Variants in TTC21B observed in about 807,000 individuals in gnomAD.
The protein encoded by TTC21B is tetratricopeptide repeat protein 21B.
TTC21B carries 127 observed loss-of-function variants against 175.1 expected under a neutral mutation model. The observed-to-expected ratio is 0.73, with a 90% CI of 0.63 to 0.84. The LOEUF (loss-of-function observed/expected upper bound fraction) is 0.84, where lower values mean the gene tolerates loss of function less well. TTC21B is among the 40% of genes least tolerant of loss of function. The pLI, the probability that TTC21B is intolerant of heterozygous loss-of-function variation, is 0.00. For synonymous variants in TTC21B, 524 were observed against 524.5 expected, an observed-to-expected ratio of 1.00 and a Z score of 0.01; for missense variants, 1,561 against 1,558.3, an observed-to-expected ratio of 1.00 and a Z score of -0.03.
intron 17 of TTC21B, 71 bp from the exon 18 acceptor site, chr2:165,911,536 A>C (rs1291248369): frequency 6.4e-7 from 1 of 1,564,730 alleles, no homozygotes; most frequent in Non-Finnish European, 8.8e-7. Flanking sequence ...TATTTAATAC[A>C]TTACAGACTT....
intron 12 of TTC21B, among the ~76,000 whole-genome samples, chr2:165,922,382 G>GA (rs965025680): frequency 5.4e-5 from 8 of 147,858 alleles, no homozygotes; most frequent in Non-Finnish European, 9.0e-5. Flanking sequence ...AAATCATCAA[G>GA]AAAAAAAAAT....
chr2:165,926,053 A>G (rs1686616749), intron 11 of TTC21B, among the ~76,000 whole-genome samples: 1 of 152,236 alleles, frequency 6.6e-6, no homozygotes, highest in African/African-American at 2.4e-5. Flanking sequence ...TCTAAACAAA[A>G]TTATGTCTAT....
intron 8 of TTC21B, 121 bp from the exon 9 acceptor site, chr2:165,930,485 A>C: frequency 1.6e-6 from 1 of 641,366 alleles, no homozygotes; most frequent in Non-Finnish European, 2.4e-6. Context: ...AAAAGAAAAA[A>C]ATTAATAATT....
At chr2:165,929,438 T>C in intron 10 of TTC21B, 103 bp from the exon 11 acceptor site, 2 of 1,059,808 alleles carry the variant, frequency 1.9e-6, no homozygotes, top group East Asian at 5.2e-5. Context: ...TATGCAATTA[T>C]TTGTTCAAAC....
chr2:165,918,494 A>G (rs1686266424), intron 13 of TTC21B, among the ~76,000 whole-genome samples: 1 of 151,944 alleles, frequency 6.6e-6, no homozygotes, highest in South Asian at 2.1e-4. Flanking sequence ...ACGGGTTTTC[A>G]CTGTGTTAGC....
At chr2:165,929,581 AGACT>A in intron 10 of TTC21B, 65 bp downstream of exon 10, 1 of 1,161,458 alleles carries the variant, frequency 8.6e-7, no homozygotes, top group Non-Finnish European at 1.3e-6. Flanking sequence ...CAAAACAATA[AGACT>A]GATTAATAAT....
chr2:165,917,336 CTG>C lies in TTC21B; in HGVS notation c.1818_1819del (p.Asp606GlufsTer4). 6.2e-7 allele frequency: 1 copy of C among 1,614,154 alleles called. No homozygotes were observed. Among genetic ancestry groups the C allele is most frequent in the Non-Finnish European group, 8.5e-7 (1 of 1,179,996 alleles). On this transcript the variant is annotated frameshift_variant, in exon 14 of 29. Coordinates refer to ENST00000243344, the MANE Select transcript of TTC21B (RefSeq NM_024753.5). LOFTEE classifies it high-confidence loss of function. ...ATGGCTTGTATCAACTTCAGTTTTT[CTG>C]TCTTTTGATTTTGTGGAAGCTCCAA...
chr2:165,891,635 A>G (rs528666448), intron 22 of TTC21B, among the ~76,000 whole-genome samples: 1 of 152,020 alleles, frequency 6.6e-6, no homozygotes, highest in East Asian at 1.9e-4. Context: ...TCTCAGGTAT[A>G]ATTTCCTGGC....
intron 20 of TTC21B, among the ~76,000 whole-genome samples, 161 bp from the exon 21 acceptor site, chr2:165,900,041 C>T (rs570441987): frequency 2.0e-5 from 3 of 147,478 alleles, no homozygotes; most frequent in African/African-American, 7.4e-5. Context: ...TATGTATACC[C>T]ATCTCTATTT....
At chr2:165,901,201 C>T (rs1190677662) in intron 20 of TTC21B, among the ~76,000 whole-genome samples, 1 of 152,134 alleles carries the variant, frequency 6.6e-6, no homozygotes, top group African/African-American at 2.4e-5. Context: ...TGCATCCAGC[C>T]TTAAACTCTA....
rs867478112 is a variant in TTC21B at position 165,915,540 on chromosome 2, C to T, written c.1900-101G>A. 35 of 983,544 alleles carry T rather than the reference C, an allele frequency of 3.6e-5. No individual in the cohort carries two copies. In the Middle Eastern group the frequency reaches 7.1e-4, roughly 20 times the overall value. The allele number at this position is 983,544 out of a possible 1,614,324, so 60.9% of individuals were successfully genotyped here. On this transcript the variant is annotated intron_variant, in intron 14 of 28. Transcript: ENST00000243344. ...AACGCAGAATGAATAAATGCTAGTA[C>T]ATTTATAATATTTACGAAATAAATT...
intron 7 of TTC21B, 86 bp from the exon 8 acceptor site, chr2:165,931,942 C>A: frequency 3.5e-6 from 3 of 865,446 alleles, no homozygotes; most frequent in Admixed American, 1.9e-5. Context: ...CAAAGCATTA[C>A]CCTACTAGTA....
chr2:165,915,674 G>T (rs1170141673), intron 14 of TTC21B, among the ~76,000 whole-genome samples: 1 of 152,144 alleles, frequency 6.6e-6, no homozygotes, highest in East Asian at 1.9e-4. Flanking sequence ...TAGGACAACA[G>T]CAGCTGCTAC....
intron 3 of TTC21B, among the ~76,000 whole-genome samples, chr2:165,946,199 C>A (rs144295996): frequency 6.7e-6 from 1 of 149,588 alleles, no homozygotes; most frequent in South Asian, 2.1e-4. Flanking sequence ...ATTAGCCGGG[C>A]GTGATAGCGT....
At chr2:165,894,616 C>A (rs938506406) in intron 22 of TTC21B, among the ~76,000 whole-genome samples, 1 of 152,074 alleles carries the variant, frequency 6.6e-6, no homozygotes, top group Non-Finnish European at 1.5e-5. Flanking sequence ...ACTCTGTCAC[C>A]GAGGCTGGAG....
At chr2:165,898,560 G>A in intron 22 of TTC21B, 126 bp downstream of exon 22, 1 of 730,014 alleles carries the variant, frequency 1.4e-6, no homozygotes, top group South Asian at 1.5e-5. Context: ...GCCCATGTGT[G>A]GAATAAACAG....
At chr2:165,900,894 TTTTTC>T (rs1219343120) in intron 20 of TTC21B, among the ~76,000 whole-genome samples, 10 of 151,484 alleles carry the variant, frequency 6.6e-5, no homozygotes, top group Non-Finnish European at 1.5e-4. Context: ...GTAATGTTCT[TTTTTC>T]TTTTCTTTTT....
chr2:165,900,008 CAAAAAA>C (rs200057550), intron 20 of TTC21B, 128 bp from the exon 21 acceptor site: 1 of 139,402 alleles, frequency 7.2e-6, no homozygotes. Context: ...GTATAATAGA[CAAAAAA>C]AAAAAAAAAA....
intron 18 of TTC21B, among the ~76,000 whole-genome samples, chr2:165,910,102 A>C (rs1489920227): frequency 1.6e-4 from 25 of 152,158 alleles, no homozygotes; most frequent in Non-Finnish European, 1.5e-5. Flanking sequence ...ACTAGATTTT[A>C]TTTAAAAATA....
Sources: gnomAD v4.1 joint callset for allele counts (sites outside exome capture counted in the v4.1 genomes callset) on GRCh38, gnomAD v4.1.1 for gene constraint, MANE v1.5 for transcripts, NCBI Gene and HGNC (gene_info 2026-07-23, HGNC 2026-07-21) for gene names.